SPECC1: variants seen among roughly 807,000 people sequenced by gnomAD.
SPECC1 encodes the protein sperm antigen with calponin homology and coiled-coil domains 1.
In SPECC1, 62 loss-of-function variants were observed where a neutral mutation model predicts 104.1. The observed-to-expected ratio is 0.60, with a 90% CI of 0.49 to 0.74. SPECC1 has a LOEUF of 0.74. Among genes scored for constraint, SPECC1 ranks in the 30% least tolerant of loss-of-function variants. SPECC1 has a pLI of 0.00. For missense variants in SPECC1, 1,306 were observed against 1,310.5 expected (o/e 1.00, Z 0.05); for synonymous variants, 513 against 501.6 (o/e 1.02, Z -0.30).
At chr17:20,290,866 T>C (rs554209627) in intron 12 of SPECC1, among the ~76,000 whole-genome samples, 1 of 152,288 alleles carries the variant, frequency 6.6e-6, no homozygotes, top group East Asian at 1.9e-4. Context: ...TTGTGGGAGA[T>C]GGTGGCATTG....
intron 10 of SPECC1, among the ~76,000 whole-genome samples, chr17:20,255,603 TCA>T (rs1436973516): frequency 6.6e-6 from 1 of 152,216 alleles, no homozygotes; most frequent in Non-Finnish European, 1.5e-5. Context: ...AGTCTTGCTG[TCA>T]CACAGGCAGG....
chr17:20,080,742 A>C lies in SPECC1; in HGVS notation c.-21-15889A>C, dbSNP rs1488593221. ...CCTGGCTTCACCTGTGCTGCCTGCGAGCCCTTACTGCATGGGAGGAGCCCC... is the reference window on the plus strand; with the variant it reads ...CCTGGCTTCACCTGTGCTGCCTGCGCGCCCTTACTGCATGGGAGGAGCCCC... On this transcript the variant is annotated intron_variant, in intron 1 of 14. Coordinates refer to ENST00000395527, the MANE Select transcript of SPECC1 (RefSeq NM_001243439.2). 7.9e-5 allele frequency among the ~76,000 whole-genome samples: 12 copies of C among 152,198 alleles called. No homozygotes were observed. In the East Asian group the frequency reaches 2.3e-3, roughly 29 times the overall value.
At chr17:20,148,772 T>C (rs1597818257) in intron 3 of SPECC1, among the ~76,000 whole-genome samples, 1 of 152,086 alleles carries the variant, frequency 6.6e-6, no homozygotes, top group Non-Finnish European at 1.5e-5. Flanking sequence ...CAGGCTGGAG[T>C]GCAGTGGCGC....
chr17:20,242,839 G>A (rs1029134622), intron 7 of SPECC1, among the ~76,000 whole-genome samples: 7 of 152,162 alleles, frequency 4.6e-5, no homozygotes, highest in Non-Finnish European at 1.0e-4. Flanking sequence ...ATGCTTTTAA[G>A]ACACATGGTA....
In SPECC1 at chr17:20,202,678, G is replaced by A. The variant is rs143196223; in HGVS notation, c.284-1655G>A. ...ATATAATACATATAACACAAAGTGT[G>A]TGTTAACTGTTTATGTTTTCAGTCA... is the stretch of plus-strand genomic sequence containing the variant. On this transcript the variant is annotated intron_variant, in intron 3 of 14. Coordinates refer to ENST00000395527, the MANE Select transcript of SPECC1 (RefSeq NM_001243439.2). Among the ~76,000 whole-genome samples the A allele has an allele frequency of 3.8e-3, 582 of 152,146 alleles. 2 individuals are homozygous for A. The highest frequency in any genetic ancestry group is 0.012 in the African/African-American group (508 of 41,506).
intron 1 of SPECC1, among the ~76,000 whole-genome samples, chr17:20,094,364 C>T (rs1233196157): frequency 2.0e-5 from 3 of 152,118 alleles, no homozygotes; most frequent in East Asian, 3.9e-4. Flanking sequence ...TCCACAGGAT[C>T]GACGCATTTG....
intron 1 of SPECC1, chr17:20,010,044 C>A (rs1371179889): frequency 6.6e-6 from 1 of 151,952 alleles, no homozygotes. Context: ...GGGCAGCGCG[C>A]GGTGCCCGTG....
rs933281410 is a variant in SPECC1, at chr17:20,303,809, C to T, written c.3058-2214C>T. The stretch of plus-strand genomic sequence containing the variant: ...CTCTACTAAAAATACAAAAATTAGC[C>T]AGGCGTGGTAGTGGGCGCGTGTAGT... On this transcript the variant is annotated intron_variant, in intron 13 of 14. Coordinates refer to ENST00000395527, the MANE Select transcript of SPECC1 (RefSeq NM_001243439.2). 2.6e-5 allele frequency among the ~76,000 whole-genome samples: 4 copies of T among 151,842 alleles called. No homozygotes were observed. In the East Asian group the frequency reaches 7.7e-4, roughly 29 times the overall value.
intron 3 of SPECC1, among the ~76,000 whole-genome samples, chr17:20,202,556 T>G (rs1597961352): frequency 6.6e-6 from 1 of 152,242 alleles, no homozygotes; most frequent in Non-Finnish European, 1.5e-5. Context: ...ATGGTATTGA[T>G]AAATACAGTA....
intron 13 of SPECC1, among the ~76,000 whole-genome samples, chr17:20,298,939 GA>G (rs1567617116): frequency 2.6e-5 from 2 of 76,436 alleles, no homozygotes; most frequent in Non-Finnish European, 4.5e-5. Flanking sequence ...GAGAGAGAGA[GA>G]GAGAGAGAGT....
rs143705542 is a variant in SPECC1 at position 20,295,445 on chromosome 17, G to A, written c.2941-1516G>A. Among the ~76,000 whole-genome samples the A allele has an allele frequency of 3.0e-3, 449 of 152,158 alleles. 17 individuals carry two copies. In the East Asian group the frequency reaches 0.084, roughly 28 times the overall value. On this transcript the variant is annotated intron_variant, in intron 12 of 14. Transcript: ENST00000395527. ...TGATGGACATTTGGGTTGGTTCCAG[G>A]TCTTTGCTATAGTGATTAGTGCCGC...
At chr17:20,077,339 T>A (rs1303583671) in intron 1 of SPECC1, among the ~76,000 whole-genome samples, 1 of 152,240 alleles carries the variant, frequency 6.6e-6, no homozygotes, top group African/African-American at 2.4e-5. Context: ...TTTATGATTT[T>A]CTCTTTTTAT....
intron 1 of SPECC1, among the ~76,000 whole-genome samples, chr17:20,068,905 TATC>T (rs2046451086): frequency 6.6e-6 from 1 of 152,260 alleles, no homozygotes; most frequent in Non-Finnish European, 1.5e-5. Context: ...ACTAGACACT[TATC>T]ATATATAGGA....
At chr17:20,118,304 T>G (rs1193439661) in intron 3 of SPECC1, among the ~76,000 whole-genome samples, 1 of 152,204 alleles carries the variant, frequency 6.6e-6, no homozygotes, top group African/African-American at 2.4e-5. Flanking sequence ...ACCAAGCATT[T>G]CTATTATTTA....
intron 3 of SPECC1, among the ~76,000 whole-genome samples, chr17:20,197,413 T>C (rs994883674): frequency 6.6e-6 from 1 of 152,138 alleles, no homozygotes; most frequent in Non-Finnish European, 1.5e-5. Flanking sequence ...CACACAGATA[T>C]TAAACCAGAA....
rs559106809 is a variant in SPECC1 at position 20,315,240 on chromosome 17, A to G, written c.*1175A>G. 7.3e-5 allele frequency: 17 copies of G among 232,324 alleles called. No homozygotes were observed. The highest frequency in any genetic ancestry group is 3.3e-4 in the African/African-American group (15 of 45,408). The allele number at this position is 232,324 out of a possible 1,614,324, so 14.4% of individuals were successfully genotyped here. On this transcript the variant is annotated 3_prime_UTR_variant, in exon 15 of 15. Transcript: ENST00000395527. ...TTTAGTGCTTCCCCAGGCCTCTTTC[A>G]TCGGCATGGGAAAAGCCCTTAGGGG...
chr17:20,106,256 C>A (rs1361086413), intron 2 of SPECC1, among the ~76,000 whole-genome samples: 2 of 152,116 alleles, frequency 1.3e-5, no homozygotes, highest in Non-Finnish European at 2.9e-5. Flanking sequence ...AATAGTTTTT[C>A]TCTATTGAGA....
Position 20,227,518 on chromosome 17 carries a change from G to C in SPECC1, c.1969G>C (p.Glu657Gln), listed in dbSNP as rs765236489. ...LQEKASESDA[E>Q]IKDMKETIFE... ...AGAAAAAGCATCAGAGAGTGATGCA[G>C]AGATCAAAGACATGAAAGAAACCAT... is the stretch of plus-strand genomic sequence containing the variant. Residue 657 changes from glutamate (E) to glutamine (Q), a missense_variant, in exon 5 of 15, where the codon GAG (glutamate) becomes CAG (glutamine). Around this residue, in one of 2 missense-constraint regions of SPECC1, gnomAD observed 1,177 missense variants for 1,139.9 expected, o/e 1.03. Transcript: ENST00000395527. The C allele has an allele frequency of 6.2e-7, 1 of 1,613,470 alleles. No individual in the cohort carries two copies. Among genetic ancestry groups the C allele is most frequent in the South Asian group, 1.1e-5 (1 of 91,004 alleles).
chr17:20,275,270 AT>A (rs1404286901), intron 12 of SPECC1, among the ~76,000 whole-genome samples: 2 of 152,172 alleles, frequency 1.3e-5, no homozygotes, highest in Non-Finnish European at 2.9e-5. Context: ...TTAATGTGAA[AT>A]ATACGATTTT....
Sources: allele counts gnomAD v4.1 joint callset (sites outside exome capture counted in the v4.1 genomes callset), GRCh38; gene constraint gnomAD v4.1.1; regional missense constraint gnomAD v4.1.1; transcripts MANE v1.5; gene names NCBI Gene and HGNC (gene_info 2026-07-23, HGNC 2026-07-21).